Variants in LIG3 observed in about 807,000 individuals in gnomAD.
The protein encoded by LIG3 is ligase II, DNA, ATP-dependent.
Under a neutral mutation model 110.9 loss-of-function variants are expected in LIG3, and 58 were observed. The observed-to-expected ratio is 0.52, with a 90% CI of 0.42 to 0.65. The LOEUF (loss-of-function observed/expected upper bound fraction) is 0.65. Among genes scored for constraint, LIG3 ranks in the 30% least tolerant of loss-of-function variants. LIG3 has a pLI of 0.00. For missense variants in LIG3, 1,094 were observed against 1,273.8 expected, an observed-to-expected ratio of 0.86 and a Z score of 2.15; for synonymous variants, 422 against 472.8, an observed-to-expected ratio of 0.89 and a Z score of 1.39.
At chr17:34,996,549 C>T (rs944664186) in intron 10 of LIG3, 25 bp from the exon 11 acceptor site, 2 of 1,590,736 alleles carry the variant, frequency 1.3e-6, no homozygotes, top group Non-Finnish European at 1.7e-6. Flanking sequence ...CCTATGTGTA[C>T]CTACTACCTC....
At chr17:34,998,340 C>G in intron 13 of LIG3, 44 bp downstream of exon 13, 1 of 1,535,450 alleles carries the variant, frequency 6.5e-7, no homozygotes. Context: ...TCACTCGCAG[C>G]CCTCTCCCCT....
chr17:34,992,348 C>G (rs769190836), intron 7 of LIG3, among the ~76,000 whole-genome samples, 176 bp from the exon 8 acceptor site: 37 of 152,374 alleles, frequency 2.4e-4, no homozygotes, highest in Non-Finnish European at 4.0e-4. Context: ...CACAGTATCT[C>G]AAAAGAGCTG....
At position 35,009,314 on chromosome 17, in the gene LIG3, T is replaced by A. The variant is rs745934733; in HGVS notation, c.*4808T>A. The stretch of plus-strand genomic sequence containing the variant: ...CTAGTTCCTGTACAGCTTATTCTTA[T>A]TAGTTTGGATCCAACTATTCCAATG... On this transcript the variant is annotated 3_prime_UTR_variant, in exon 20 of 20. Coordinates refer to ENST00000378526, the MANE Select transcript of LIG3 (RefSeq NM_013975.4). 1 of 152,360 alleles carries A rather than the reference T, an allele frequency of 6.6e-6. No individual in the cohort carries two copies. The highest frequency in any genetic ancestry group is 1.5e-5 in the Non-Finnish European group (1 of 68,042). The allele number at this position is 152,360 out of a possible 1,614,324, so 9.4% of individuals were successfully genotyped here.
chr17:34,995,511 A>G (rs2090768619), intron 9 of LIG3, among the ~76,000 whole-genome samples: 1 of 152,052 alleles, frequency 6.6e-6, no homozygotes, highest in African/African-American at 2.4e-5. Flanking sequence ...TAGGTTAGGG[A>G]TTGAAGGGGA....
intron 16 of LIG3, among the ~76,000 whole-genome samples, chr17:35,000,903 C>T (rs1168139928): frequency 2.6e-5 from 4 of 151,180 alleles, no homozygotes; most frequent in Non-Finnish European, 4.4e-5. Context: ...TGCAAGCCAC[C>T]GCGCCTGGCC....
intron 3 of LIG3, among the ~76,000 whole-genome samples, chr17:34,986,392 G>A (rs1412935573): frequency 6.6e-6 from 1 of 152,106 alleles, no homozygotes; most frequent in Non-Finnish European, 1.5e-5. Context: ...TGCATTCTCA[G>A]CTCACTGCAA....
intron 3 of LIG3, among the ~76,000 whole-genome samples, chr17:34,988,480 T>A (rs2090683080): frequency 6.6e-6 from 1 of 152,214 alleles, no homozygotes; most frequent in South Asian, 2.1e-4. Flanking sequence ...AGAAACAGTG[T>A]ACAACAGCAG....
chr17:35,001,231 A>C (rs1353280094), intron 16 of LIG3, 26 bp from the exon 17 acceptor site: 1 of 1,610,742 alleles, frequency 6.2e-7, no homozygotes, highest in Admixed American at 1.7e-5. Flanking sequence ...TTAACCAGTG[A>C]TGACCTGCTG....
At chr17:35,001,854 G>A in intron 17 of LIG3, 55 bp from the exon 18 acceptor site, 2 of 1,529,216 alleles carry the variant, frequency 1.3e-6, no homozygotes, top group Non-Finnish European at 1.8e-6. Flanking sequence ...CACCACCTCT[G>A]AGGCCAGACT....
At chr17:34,984,327 C>G (rs2090634149) in intron 2 of LIG3, among the ~76,000 whole-genome samples, 1 of 152,144 alleles carries the variant, frequency 6.6e-6, no homozygotes. Flanking sequence ...GTACTGATTA[C>G]TATCCTCTTT....
At position 34,998,834 on chromosome 17, in the gene LIG3, C is replaced by A. The variant is rs2090809176; in HGVS notation, c.2113+107C>A. 5.8e-6 allele frequency: 8 copies of A among 1,384,178 alleles called. No individual in the cohort carries two copies. The South Asian group carries it at 8.3e-5, about 14-fold the overall frequency. The allele number at this position is 1,384,178 out of a possible 1,614,324, so 85.7% of individuals were successfully genotyped here. On this transcript the variant is annotated intron_variant, in intron 14 of 19. Transcript: ENST00000378526. ...GATCTGCCAGCATGGCCAGTTATGA[C>A]TTCCGAAGTCCTAGGATCTAGGGCC...
rs3135999 is a variant in LIG3 at position 34,995,764 on chromosome 17, C to T, written c.1612-300C>T. Among the ~76,000 whole-genome samples, 1,168 of 152,314 alleles carry T rather than the reference C, an allele frequency of 7.7e-3. 15 individuals are homozygous for T. The highest frequency in any genetic ancestry group is 0.027 in the African/African-American group (1,118 of 41,564). On this transcript the variant is annotated intron_variant, in intron 9 of 19. Transcript: ENST00000378526. ...CTGCCCACCTACCCTCCTCCTCCTC[C>T]CCCGACAGGTTTAATCTGTTTCTTC...
intron 19 of LIG3, chr17:35,004,063 T>C (rs545110379): frequency 5.3e-6 from 3 of 567,816 alleles, no homozygotes; most frequent in African/African-American, 3.7e-5. Flanking sequence ...CCACTCTCCT[T>C]TTCCCCTAGG....
chr17:34,991,432 A>G (rs965436472), intron 5 of LIG3: 4 of 579,698 alleles, frequency 6.9e-6, no homozygotes, highest in African/African-American at 3.7e-5. Context: ...GTTTTCTCCT[A>G]TAACTTGGCT....
In LIG3 at chr17:34,996,261, C is replaced by A. The variant is rs117078298; in HGVS notation, c.1743+66C>A. On this transcript the variant is annotated intron_variant, in intron 10 of 19. Transcript: ENST00000378526. ...GAGTGAGTATGTACATGTGGGTGCA[C>A]GCTGCGGTCTGAAAAGGGAGGAAAT... is the stretch of plus-strand genomic sequence containing the variant. The A allele has an allele frequency of 7.7e-3, 11,894 of 1,543,030 alleles. 73 individuals carry two copies. The highest frequency in any genetic ancestry group is 8.8e-3 in the Non-Finnish European group (9,899 of 1,128,282).
At chr17:35,000,215 A>G (rs781205019) in intron 16 of LIG3, among the ~76,000 whole-genome samples, 16 of 152,234 alleles carry the variant, frequency 1.1e-4, no homozygotes, top group Non-Finnish European at 1.8e-4. Context: ...CAGCAGAACT[A>G]GGACCCAAGT....
Position 34,989,557 on chromosome 17 carries a change from T to C in LIG3, c.783T>C (p.Cys261=), listed in dbSNP as rs1198350973. 7 of 1,614,022 alleles carry C rather than the reference T, an allele frequency of 4.3e-6. No individual in the cohort carries two copies. The African/African-American group carries it at 6.7e-5, about 15-fold the overall frequency. The part of the protein sequence containing the change: ...SSKCDPRHKD[C]LLREFRKLCA... ...AATGTGACCCCAGGCATAAGGACTG[T>C]CTGCTACGGGAGTTTCGAAAGTTAT... The change falls in exon 4 of 20, where the codon TGT becomes TGC. Residue 261 remains cysteine (C), a synonymous_variant. Transcript: ENST00000378526.
In LIG3 at chr17:34,989,745, AG is replaced by A. The variant is rs1597793498; in HGVS notation, c.889+83del. 6 of 1,304,234 alleles carry A rather than the reference AG, an allele frequency of 4.6e-6. No homozygotes were observed. The East Asian group carries it at 1.2e-4, about 25-fold the overall frequency. The allele number at this position is 1,304,234 out of a possible 1,614,324, so 80.8% of individuals were successfully genotyped here. On this transcript the variant is annotated intron_variant, in intron 4 of 19. Transcript: ENST00000378526. ...GCCTTCCTGGGCATGTGAGCTGTAT[AG>A]TTGCCCGGGATCCCATGCTTGGTTT... is the stretch of plus-strand genomic sequence containing the variant.
rs148182396 is a variant in LIG3 at position 34,993,125 on chromosome 17, G to A, written c.1455+433G>A. Among the ~76,000 whole-genome samples, 48 of 152,246 alleles carry A rather than the reference G, an allele frequency of 3.2e-4. No homozygotes were observed. The East Asian group carries it at 9.1e-3, about 29-fold the overall frequency. Reference sequence around the variant, plus strand: ...TTGGTAGCAGAGCCAGGCTTCCTGTGACAGGGTGACTTGGGAAGAGGGAGG... The same window carrying A: ...TTGGTAGCAGAGCCAGGCTTCCTGTAACAGGGTGACTTGGGAAGAGGGAGG... On this transcript the variant is annotated intron_variant, in intron 8 of 19. Transcript: ENST00000378526.
Sources: allele counts gnomAD v4.1 joint callset (sites outside exome capture counted in the v4.1 genomes callset), GRCh38; gene constraint gnomAD v4.1.1; transcripts MANE v1.5; gene names NCBI Gene and HGNC (gene_info 2026-07-23, HGNC 2026-07-21).